Variants in SH3BP2 observed in about 807,000 individuals in gnomAD.
SH3BP2 encodes SH3 domain-binding protein 2.
SH3BP2 carries 38 observed loss-of-function variants against 56.2 expected under a neutral mutation model. The observed-to-expected ratio is 0.68, with a 90% CI of 0.52 to 0.89. SH3BP2 has a LOEUF of 0.89. SH3BP2 is among the 40% of genes least tolerant of loss of function. The probability of loss-of-function intolerance (pLI) is 0.00; values close to 1 mark genes in which losing one functional copy is unlikely to be tolerated. For missense variants in SH3BP2, 748 were observed against 762.6 expected, an observed-to-expected ratio of 0.98 and a Z score of 0.23; for synonymous variants, 346 against 316.7, an observed-to-expected ratio of 1.09 and a Z score of -0.98.
chr4:2,812,496 G>A (rs1244858564), intron 1 of SH3BP2: 2 of 1,545,322 alleles, frequency 1.3e-6, no homozygotes. Flanking sequence ...GGCGGCCCCA[G>A]GACTGGGGCT....
intron 11 of SH3BP2, 94 bp downstream of exon 11, chr4:2,832,506 C>T (rs1321003669): frequency 3.3e-6 from 3 of 909,150 alleles, no homozygotes; most frequent in Non-Finnish European, 5.6e-6. Flanking sequence ...CTAAACCACT[C>T]CCCTTGTGGA....
intron 12 of SH3BP2, 137 bp from the exon 13 acceptor site, chr4:2,833,560 G>A: frequency 6.2e-6 from 7 of 1,122,144 alleles, no homozygotes; most frequent in Non-Finnish European, 9.1e-6. Flanking sequence ...CACCTTGGGG[G>A]CACCACCGAC....
chr4:2,829,470 A>G lies in SH3BP2; in HGVS notation c.587-23A>G. On this transcript the variant is annotated intron_variant, in intron 7 of 12. Transcript: ENST00000503393. This position sits in a 1 kb window ranked among gnomAD's most constrained non-coding sequence, Gnocchi z 4.9. ...TTGGCCCAGTCTCTGTCAGGGTCCA[A>G]CCCGGGTCTCTTTGCTCTGCAGATG... 1 of 1,612,880 alleles carries G rather than the reference A, an allele frequency of 6.2e-7. No homozygotes were observed. Among genetic ancestry groups the G allele is most frequent in the Non-Finnish European group, 8.5e-7 (1 of 1,179,690 alleles).
intron 1 of SH3BP2, among the ~76,000 whole-genome samples, chr4:2,795,065 A>G (rs1723017274): frequency 1.3e-5 from 2 of 152,126 alleles, no homozygotes; most frequent in Non-Finnish European, 2.9e-5. Flanking sequence ...GCTGTGAAGC[A>G]CTTTGTACCT....
At chr4:2,793,973 C>T (rs1033516379) in intron 1 of SH3BP2, among the ~76,000 whole-genome samples, 2 of 152,206 alleles carry the variant, frequency 1.3e-5, no homozygotes, top group Non-Finnish European at 2.9e-5. Context: ...GCTGGTGCTC[C>T]TTTCCGTGAG....
At chr4:2,827,459 C>T (rs1724732862) in intron 6 of SH3BP2, 141 bp downstream of exon 6, 20 of 1,177,868 alleles carry the variant, frequency 1.7e-5, no homozygotes, top group Non-Finnish European at 2.4e-5. Context: ...TCCCTGGGCT[C>T]TGGCCTTCAG....
At chr4:2,796,160 C>T (rs775674796) in intron 1 of SH3BP2, among the ~76,000 whole-genome samples, 8 of 152,182 alleles carry the variant, frequency 5.3e-5, no homozygotes, top group South Asian at 2.1e-4. Context: ...ATCTGCAAAA[C>T]GGGATGACAG....
intron 12 of SH3BP2, 162 bp from the exon 13 acceptor site, chr4:2,833,535 G>A (rs1295671083): frequency 1.2e-6 from 1 of 804,704 alleles, no homozygotes; most frequent in Non-Finnish European, 2.0e-6. Context: ...GAGAGCACAG[G>A]CCTGATGCGG....
chr4:2,812,451 G>A, intron 1 of SH3BP2: 1 of 1,550,236 alleles, frequency 6.5e-7, no homozygotes, highest in Non-Finnish European at 8.7e-7. Flanking sequence ...GAGGACGGAG[G>A]GCCATGTGTT....
In SH3BP2 at chr4:2,831,514, T is replaced by C; in HGVS notation, c.1242-57T>C. ...GTGGAGTGGGGAGGGGAGCAGAGGGTGGCCGCCCCGTGTCTGACAGTGAAA... is the reference window on the plus strand; with the variant it reads ...GTGGAGTGGGGAGGGGAGCAGAGGGCGGCCGCCCCGTGTCTGACAGTGAAA... On this transcript the variant is annotated intron_variant, in intron 8 of 12. Transcript: ENST00000503393. The surrounding 1 kb of genome is among the most constrained non-coding windows in gnomAD (Gnocchi z 4.1). 7.4e-7 allele frequency: 1 copy of C among 1,350,774 alleles called. No individual in the cohort carries two copies. Among genetic ancestry groups the C allele is most frequent in the Non-Finnish European group, 1.0e-6 (1 of 964,316 alleles). 83.7% of individuals were successfully genotyped at this position (1,350,774 alleles called of 1,614,324 possible). A position where few individuals can be genotyped will look rare whatever the true frequency, so the allele number is the denominator to read the frequency against.
chr4:2,827,321 G>A lies in SH3BP2; in HGVS notation c.517+3G>A. 6.2e-7 allele frequency: 1 copy of A among 1,613,578 alleles called. No individual in the cohort carries two copies. Among genetic ancestry groups the A allele is most frequent in the African/African-American group, 1.3e-5 (1 of 75,036 alleles). On this transcript the variant is annotated splice_donor_region_variant and intron_variant, in intron 6 of 12. Transcript: ENST00000503393. ...CCCGTACCCCACGGACAATGAAGGT[G>A]AGGTCTTTCTCCGCATCCACTGCCC...
At chr4:2,800,126 C>G (rs551197269) in intron 1 of SH3BP2, among the ~76,000 whole-genome samples, 1 of 151,884 alleles carries the variant, frequency 6.6e-6, no homozygotes, top group East Asian at 1.9e-4. Context: ...GGTGACGTGA[C>G]CAGGATGGGG....
Position 2,831,940 on chromosome 4 carries a change from G to A in SH3BP2, c.1368G>A (p.Ser456=), listed in dbSNP as rs781567345. 15 of 1,612,916 alleles carry A rather than the reference G, an allele frequency of 9.3e-6. No individual in the cohort carries two copies. The highest frequency in any genetic ancestry group is 3.3e-5 in the Admixed American group (2 of 60,024). ...EDYEKVPLPN[S]VFVNTTESCE... is the part of the protein sequence containing the mutation. ...TCTTGCAGGTGCCACTGCCCAACTCGGTCTTCGTCAACACCACGGAGTCCT... is the reference window on the plus strand; with the variant it reads ...TCTTGCAGGTGCCACTGCCCAACTCAGTCTTCGTCAACACCACGGAGTCCT... The change falls in exon 10 of 13, where the codon TCG becomes TCA. Residue 456 remains serine, a synonymous_variant. Coordinates refer to ENST00000503393, the MANE Select transcript of SH3BP2 (RefSeq NM_001122681.2). This position sits in a 1 kb window ranked among gnomAD's most constrained non-coding sequence, Gnocchi z 4.1.
chr4:2,821,279 G>A (rs2108726727), intron 2 of SH3BP2, among the ~76,000 whole-genome samples: 1 of 152,370 alleles, frequency 6.6e-6, no homozygotes, highest in Admixed American at 6.5e-5. Flanking sequence ...GGTGCTCCAT[G>A]CCTTTGCAGT....
At chr4:2,822,053 A>C (rs1195181418) in intron 2 of SH3BP2, among the ~76,000 whole-genome samples, 1 of 151,748 alleles carries the variant, frequency 6.6e-6, no homozygotes, top group Non-Finnish European at 1.5e-5. Context: ...TTTTTAGTAG[A>C]GACAGCGTTT....
intron 8 of SH3BP2, among the ~76,000 whole-genome samples, chr4:2,830,617 C>A (rs896035759): frequency 2.0e-5 from 3 of 152,260 alleles, no homozygotes; most frequent in African/African-American, 7.2e-5. Flanking sequence ...CCTGCCTCGG[C>A]CTCTCAAAGT....
At chr4:2,809,783 AC>A (rs1723672572) in intron 1 of SH3BP2, 12 of 985,634 alleles carry the variant, frequency 1.2e-5, no homozygotes, top group Non-Finnish European at 1.4e-5. Context: ...TTTCAGGCTG[AC>A]CCTTGGCCCT....
At chr4:2,833,179 TC>T (rs762752089) in intron 12 of SH3BP2, 130 bp downstream of exon 12, 4 of 812,690 alleles carry the variant, frequency 4.9e-6, no homozygotes, top group Non-Finnish European at 8.4e-6. Flanking sequence ...GCCCTCCCCT[TC>T]CCCTCCACCA....
At chr4:2,811,646 C>A (rs1416771316) in intron 1 of SH3BP2, among the ~76,000 whole-genome samples, 1 of 152,168 alleles carries the variant, frequency 6.6e-6, no homozygotes, top group Non-Finnish European at 1.5e-5. Flanking sequence ...TGCCACTCAG[C>A]CATAATGTAC....
Sources: gnomAD v4.1 joint callset for allele counts (sites outside exome capture counted in the v4.1 genomes callset) on GRCh38, gnomAD v4.1.1 for gene constraint, Gnocchi (gnomAD v3.1) non-coding constraint, MANE v1.5 for transcripts, NCBI Gene and HGNC (gene_info 2026-07-23, HGNC 2026-07-21) for gene names.